Variants in CAMSAP3 observed in about 807,000 individuals in gnomAD.
CAMSAP3 encodes calmodulin regulated spectrin associated protein family member 3.
CAMSAP3 carries 34 observed loss-of-function variants against 112.5 expected under a neutral mutation model. The observed-to-expected ratio is 0.30, with a 90% CI of 0.23 to 0.40. CAMSAP3 has a LOEUF of 0.40. Ranked by LOEUF, CAMSAP3 falls within the 10% of genes least tolerant of loss-of-function variation. The probability of loss-of-function intolerance (pLI) is 1.00; values close to 1 mark genes in which losing one functional copy is unlikely to be tolerated. For synonymous variants in CAMSAP3, 868 were observed against 799.8 expected, an observed-to-expected ratio of 1.09 and a Z score of -1.44; for missense variants, 1,602 against 1,770.3, an observed-to-expected ratio of 0.90 and a Z score of 1.71.
intron 11 of CAMSAP3, among the ~76,000 whole-genome samples, chr19:7,614,351 G>GT (rs908374456): frequency 9.1e-6 from 1 of 109,680 alleles, no homozygotes; most frequent in African/African-American, 3.4e-5. Context: ...GTTTTCTTTT[G>GT]TTTTTTGTTT....
intron 1 of CAMSAP3, 93 bp from the exon 2 acceptor site, chr19:7,605,133 A>C: frequency 1.7e-6 from 1 of 572,532 alleles, no homozygotes; most frequent in Non-Finnish European, 2.5e-6. Flanking sequence ...ACACACTCTT[A>C]ATCCGGGCCA....
At position 7,606,292 on chromosome 19, in the gene CAMSAP3, G is replaced by A; in HGVS notation, c.424G>A (p.Asp142Asn). 1 of 1,613,714 alleles carries A rather than the reference G, an allele frequency of 6.2e-7. No homozygotes were observed. The highest frequency in any genetic ancestry group is 8.5e-7 in the Non-Finnish European group (1 of 1,180,002). The stretch of plus-strand genomic sequence containing the variant: ...ACAGGGAGCCCACCTAGCTGTCATT[G>A]ATGCCCTCATGGCTGCCTTTGCCTT... Reference protein sequence around the residue: ...ILMGAHLAVIDALMAAFAFEW... With the variant: ...ILMGAHLAVINALMAAFAFEW... The change falls in exon 3 of 17, where the codon GAT becomes AAT. Residue 142 changes from aspartate (D) to asparagine (N), a missense_variant. Transcript: ENST00000160298.
chr19:7,599,201 C>T (rs1020828348), intron 1 of CAMSAP3, among the ~76,000 whole-genome samples: 1 of 151,668 alleles, frequency 6.6e-6, no homozygotes, highest in African/African-American at 2.4e-5. Flanking sequence ...ATCCACCCAT[C>T]CATCTACCCA....
Position 7,612,095 on chromosome 19 carries a change from G to A in CAMSAP3, c.1602G>A (p.Val534=), listed in dbSNP as rs756953506. ...ETPSKPSPCL[V]GEASKPPAPS... is the part of the protein sequence containing the mutation. Reference sequence around the variant, plus strand: ...CCTCGAAACCATCTCCCTGTCTGGTGGGGGAGGCATCGAAACCGCCAGCCC... The same window carrying A: ...CCTCGAAACCATCTCCCTGTCTGGTAGGGGAGGCATCGAAACCGCCAGCCC... Residue 534 remains valine (V), a synonymous_variant, in exon 11 of 17, where the codon GTG becomes GTA. Transcript: ENST00000160298. The A allele has an allele frequency of 1.2e-6, 2 of 1,609,862 alleles. No homozygotes were observed. The highest frequency in any genetic ancestry group is 1.1e-5 in the South Asian group (1 of 91,012).
intron 1 of CAMSAP3, among the ~76,000 whole-genome samples, chr19:7,598,057 G>A (rs1489367858): frequency 6.6e-6 from 1 of 152,172 alleles, no homozygotes; most frequent in Non-Finnish European, 1.5e-5. Flanking sequence ...TACCTATCAG[G>A]TGCTGGGCTG....
intron 1 of CAMSAP3, among the ~76,000 whole-genome samples, chr19:7,603,215 T>C (rs183586342): frequency 2.2e-3 from 334 of 150,644 alleles, no homozygotes; most frequent in Non-Finnish European, 3.6e-3. Flanking sequence ...TTTTTCTTTC[T>C]TTCTTTTTTT....
chr19:7,607,859 AC>A lies in CAMSAP3; in HGVS notation c.622-261del. 65 of 1,316,614 alleles carry A rather than the reference AC, an allele frequency of 4.9e-5. No individual in the cohort carries two copies. Among genetic ancestry groups the A allele is most frequent in the Middle Eastern group, 2.1e-4 (1 of 4,680 alleles). The allele number at this position is 1,316,614 out of a possible 1,614,324, so 81.6% of individuals were successfully genotyped here. A position where few individuals can be genotyped will look rare whatever the true frequency, so the allele number is the denominator to read the frequency against. ...TCTGTTTGAAGGAGTCGGGGAGCAA[AC>A]CCCCCATGGTAATGTATCCCCCGCC... On this transcript the variant is annotated intron_variant, in intron 4 of 16. Transcript: ENST00000160298. The surrounding 1 kb of genome is among the most constrained non-coding windows in gnomAD (Gnocchi z 4.9).
intron 11 of CAMSAP3, among the ~76,000 whole-genome samples, chr19:7,613,393 G>T (rs1429538297): frequency 6.7e-6 from 1 of 150,012 alleles, no homozygotes; most frequent in Non-Finnish European, 1.5e-5. Context: ...CACGGTGGGG[G>T]GCAGGTATGT....
At chr19:7,604,638 T>A (rs2030113562) in intron 1 of CAMSAP3, among the ~76,000 whole-genome samples, 2 of 149,288 alleles carry the variant, frequency 1.3e-5, no homozygotes, top group South Asian at 4.4e-4. Flanking sequence ...TGCCCCCCAC[T>A]CATCCCCCCC....
chr19:7,617,330 C>T lies in CAMSAP3; in HGVS notation c.3217C>T (p.Pro1073Ser). 4 of 1,613,144 alleles carry T rather than the reference C, an allele frequency of 2.5e-6. No individual in the cohort carries two copies. The highest frequency in any genetic ancestry group is 3.4e-6 in the Non-Finnish European group (4 of 1,179,134). ...LGVKRPTSRAPSPSGLMSPSR... is the reference protein window; with the variant it reads ...LGVKRPTSRASSPSGLMSPSR... ...CCCATCCTTCTCCCACTGCAGGGCT[C>T]CCTCCCCGTCAGGTCTCATGTCCCC... The change falls in exon 15 of 17, where the codon CCC becomes TCC. Residue 1073 changes from proline (P) to serine (S), a missense_variant. By Grantham distance (74) the Pro-to-Ser change is moderately conservative (BLOSUM62 -1). Coordinates refer to ENST00000160298, the MANE Select transcript of CAMSAP3 (RefSeq NM_020902.2). This position sits in a 1 kb window ranked among gnomAD's most constrained non-coding sequence, Gnocchi z 7.5.
At chr19:7,606,694 T>C in intron 4 of CAMSAP3, 123 bp downstream of exon 4, 1 of 1,587,482 alleles carries the variant, frequency 6.3e-7, no homozygotes. Context: ...CTCTCTTTCT[T>C]CCCCCCTCTC....
intron 11 of CAMSAP3, among the ~76,000 whole-genome samples, chr19:7,614,191 T>C (rs1026932456): frequency 3.4e-5 from 4 of 116,058 alleles, no homozygotes; most frequent in African/African-American, 6.8e-5. Context: ...ACCCAGGAGG[T>C]GGAGCTTGCA....
chr19:7,603,375 C>T (rs1297293355), intron 1 of CAMSAP3, among the ~76,000 whole-genome samples: 8 of 152,166 alleles, frequency 5.3e-5, no homozygotes, highest in East Asian at 3.9e-4. Context: ...CCACCATGCC[C>T]AGCTCATTTT....
At chr19:7,606,724 C>T (rs2030246695) in intron 4 of CAMSAP3, 153 bp downstream of exon 4, 1 of 1,611,570 alleles carries the variant, frequency 6.2e-7, no homozygotes, top group East Asian at 2.2e-5. Context: ...CTGTGCCCTG[C>T]CCGTCCCCTG....
rs1020593691 is a variant in CAMSAP3 at position 7,606,291 on chromosome 19, T to C, written c.423T>C (p.Ile141=). Residue 141 remains isoleucine, a synonymous_variant, in exon 3 of 17, where the codon ATT becomes ATC. Coordinates refer to ENST00000160298, the MANE Select transcript of CAMSAP3 (RefSeq NM_020902.2). ...CACAGGGAGCCCACCTAGCTGTCAT[T>C]GATGCCCTCATGGCTGCCTTTGCCT... is the stretch of plus-strand genomic sequence containing the variant. The part of the protein sequence containing the change: ...PILMGAHLAV[I]DALMAAFAFE... 4 of 1,613,618 alleles carry C rather than the reference T, an allele frequency of 2.5e-6. No homozygotes were observed. The highest frequency in any genetic ancestry group is 3.4e-6 in the Non-Finnish European group (4 of 1,180,024).
In CAMSAP3 at chr19:7,615,157, TG is replaced by T. The variant is rs1316743959; in HGVS notation, c.2671-24del. On this transcript the variant is annotated intron_variant, in intron 11 of 16. Coordinates refer to ENST00000160298, the MANE Select transcript of CAMSAP3 (RefSeq NM_020902.2). The surrounding 1 kb of genome is among the most constrained non-coding windows in gnomAD (Gnocchi z 6.5). ...CAGCCATGTTGGGGGAGGGGGTGGCTGGCTGGACTCGGCGTCTGTCCCCAGG... is the reference window on the plus strand; with the variant it reads ...CAGCCATGTTGGGGGAGGGGGTGGCTGCTGGACTCGGCGTCTGTCCCCAGG... 2 of 1,553,108 alleles carry T rather than the reference TG, an allele frequency of 1.3e-6. No individual in the cohort carries two copies. The highest frequency in any genetic ancestry group is 1.7e-6 in the Non-Finnish European group (2 of 1,148,608).
At chr19:7,614,322 C>CA (rs2030665459) in intron 11 of CAMSAP3, among the ~76,000 whole-genome samples, 1 of 108,974 alleles carries the variant, frequency 9.2e-6, no homozygotes, top group Non-Finnish European at 1.9e-5. Flanking sequence ...ACTTCCTTTT[C>CA]ATTTTTTTTT....
At chr19:7,605,785 C>T (rs1234524709) in intron 2 of CAMSAP3, among the ~76,000 whole-genome samples, 1 of 151,334 alleles carries the variant, frequency 6.6e-6, no homozygotes, top group African/African-American at 2.4e-5. Flanking sequence ...TAAGCTATGT[C>T]CATCAAACCT....
intron 1 of CAMSAP3, among the ~76,000 whole-genome samples, chr19:7,598,090 C>T (rs947906111): frequency 6.6e-6 from 1 of 151,796 alleles, no homozygotes; most frequent in Non-Finnish European, 1.5e-5. Context: ...GTAGAGGAGA[C>T]GGCAGGGGAT....
Sources: allele counts gnomAD v4.1 joint callset (sites outside exome capture counted in the v4.1 genomes callset), GRCh38; gene constraint gnomAD v4.1.1; non-coding constraint Gnocchi (gnomAD v3.1); transcripts MANE v1.5; gene names NCBI Gene and HGNC (gene_info 2026-07-23, HGNC 2026-07-21).